The following MAP3K12 variants were observed in gnomAD, a reference collection of about 807,000 sequenced individuals.
The protein encoded by MAP3K12 is mitogen-activated protein kinase kinase kinase 12.
MAP3K12 carries 14 observed loss-of-function variants against 87.5 expected under a neutral mutation model. The observed-to-expected ratio is 0.16, with a 90% CI of 0.11 to 0.25. The LOEUF is 0.25. MAP3K12 is among the 10% of genes least tolerant of loss of function. The pLI, the probability that MAP3K12 is intolerant of heterozygous loss-of-function variation, is 1.00. For synonymous variants in MAP3K12, 469 were observed against 452.5 expected, an observed-to-expected ratio of 1.04 and a Z score of -0.46; for missense variants, 802 against 1,140.4, an observed-to-expected ratio of 0.70 and a Z score of 4.27.
chr12:53,501,297 C>G (rs898222132), upstream of MAP3K12: 1 of 1,199,510 alleles, frequency 8.3e-7, no homozygotes, highest in African/African-American at 1.5e-5. Context: ...TGCCCCGCGG[C>G]GGGCCCTACC....
At position 53,480,702 on chromosome 12, in the gene MAP3K12, TGA is replaced by T. The variant is rs1942993649; in HGVS notation, c.*478_*479del. 1 of 152,304 alleles carries T rather than the reference TGA, an allele frequency of 6.6e-6. No homozygotes were observed. Among genetic ancestry groups the T allele is most frequent in the African/African-American group, 2.4e-5 (1 of 41,306 alleles). 9.4% of individuals were successfully genotyped at this position (152,304 alleles called of 1,614,324 possible). A position where few individuals can be genotyped will look rare whatever the true frequency, so the allele number is the denominator to read the frequency against. ...GAAGATAAATGGTGGGACAAAAAAA[TGA>T]GTTACATTGCCACCTGAGAAACCTC... On this transcript the variant is annotated 3_prime_UTR_variant, in exon 14 of 14. Transcript: ENST00000547488.
chr12:53,483,285 A>G (rs1032772571), intron 10 of MAP3K12, 64 bp downstream of exon 10: 72 of 1,588,892 alleles, frequency 4.5e-5, no homozygotes, highest in Non-Finnish European at 5.7e-5. Flanking sequence ...TCTCCCTGCT[A>G]ATATACCTGT....
intron 1 of MAP3K12, among the ~76,000 whole-genome samples, chr12:53,489,538 C>A (rs1317842027): frequency 6.6e-6 from 1 of 152,230 alleles, no homozygotes; most frequent in Non-Finnish European, 1.5e-5. Context: ...TTGTCAGTTA[C>A]CAGATCCTGA....
chr12:53,479,939 GT>G lies in MAP3K12; in HGVS notation c.*1242del, dbSNP rs1942947258. The G allele has an allele frequency of 6.6e-6, 1 of 152,080 alleles. No homozygotes were observed. The highest frequency in any genetic ancestry group is 1.5e-5 in the Non-Finnish European group (1 of 68,068). The allele number at this position is 152,080 out of a possible 1,614,324, so 9.4% of individuals were successfully genotyped here. The stretch of plus-strand genomic sequence containing the variant: ...TGGAAGCCTTTATTCCGGTTAAGAT[GT>G]TTTCTTCTATTTTACCACTTCCATC... On this transcript the variant is annotated 3_prime_UTR_variant, in exon 14 of 14. Coordinates refer to ENST00000547488, the MANE Select transcript of MAP3K12 (RefSeq NM_001193511.2).
intron 1 of MAP3K12, among the ~76,000 whole-genome samples, chr12:53,497,759 G>A (rs992199504): frequency 1.3e-5 from 2 of 152,208 alleles, no homozygotes; most frequent in African/African-American, 2.4e-5. Flanking sequence ...GGACCTGAAT[G>A]TAGGGGTGAT....
chr12:53,495,339 CAAAAAA>C (rs10647631), intron 1 of MAP3K12, among the ~76,000 whole-genome samples: 3 of 19,378 alleles, frequency 1.5e-4, no homozygotes, highest in Admixed American at 9.8e-4. Flanking sequence ...ACTCTGTCTC[CAAAAAA>C]AAAAAAAAAA....
Position 53,482,686 on chromosome 12 carries a change from TCAC to T in MAP3K12, c.2114_2116del (p.Gly705del), listed in dbSNP as rs1215134542. 2 of 1,613,848 alleles carry T rather than the reference TCAC, an allele frequency of 1.2e-6. No homozygotes were observed. The highest frequency in any genetic ancestry group is 2.2e-5 in the South Asian group (2 of 91,076). On this transcript the variant is annotated inframe_deletion, in exon 11 of 14. Coordinates refer to ENST00000547488, the MANE Select transcript of MAP3K12 (RefSeq NM_001193511.2). ...TCCAGTTCCCAGAAGCCCCACACCT[TCAC>T]CAGGCCCTACTGGAGGAGGTGGTTC...
At position 53,490,889 on chromosome 12, in the gene MAP3K12, C is replaced by T. The variant is rs914846024; in HGVS notation, c.-37-3461G>A. On this transcript the variant is annotated intron_variant, in intron 1 of 13. Coordinates refer to ENST00000547488, the MANE Select transcript of MAP3K12 (RefSeq NM_001193511.2). ...TTGCACCACTGAACTGCAGCCTGAG[C>T]GACAGAGCGAGACCTTGTCACAAAA... Among the ~76,000 whole-genome samples the T allele has an allele frequency of 5.3e-5, 8 of 152,050 alleles. No homozygotes were observed. The East Asian group carries it at 5.8e-4, about 11-fold the overall frequency.
chr12:53,485,953 G>A (rs41428050), intron 4 of MAP3K12, 103 bp downstream of exon 4: 11 of 1,075,120 alleles, frequency 1.0e-5, no homozygotes, highest in Non-Finnish European at 1.5e-5. Context: ...TTTCTGAGAT[G>A]GCCACATGGA....
At chr12:53,491,868 G>A (rs941831262) in intron 1 of MAP3K12, among the ~76,000 whole-genome samples, 17 of 151,696 alleles carry the variant, frequency 1.1e-4, no homozygotes, top group South Asian at 2.1e-4. Flanking sequence ...GAGCTCGGGA[G>A]TTTGAGACCA....
chr12:53,482,327 T>C lies in MAP3K12; in HGVS notation c.2281A>G (p.Ser761Gly). The change falls in exon 12 of 14, where the codon AGT becomes GGT. Residue 761 changes from serine to glycine, a missense_variant. By Grantham distance (56) the Ser-to-Gly change is moderately conservative. Transcript: ENST00000547488. Reference protein sequence around the residue: ...SSEEEEGEVDSEVELTSSQRW... With the variant: ...SSEEEEGEVDGEVELTSSQRW... Reference sequence around the variant, plus strand: ...TGGCTTGATGTCAGCTCTACTTCACTGTCTACCTCTCCTTCCTCCTCTTCC... The same window carrying C: ...TGGCTTGATGTCAGCTCTACTTCACCGTCTACCTCTCCTTCCTCCTCTTCC... 6.2e-7 allele frequency: 1 copy of C among 1,614,036 alleles called. No individual in the cohort carries two copies. The highest frequency in any genetic ancestry group is 8.5e-7 in the Non-Finnish European group (1 of 1,180,002).
At chr12:53,497,516 A>C (rs540337082) in intron 1 of MAP3K12, among the ~76,000 whole-genome samples, 1 of 152,270 alleles carries the variant, frequency 6.6e-6, no homozygotes, top group South Asian at 2.1e-4. Context: ...ATATGACCCC[A>C]GTCCTTCTGG....
rs1943069435 is a variant in MAP3K12, at chr12:53,482,039, C to T, written c.2482G>A (p.Gly828Ser). The change falls in exon 13 of 14, where the codon GGC (glycine) becomes AGC (serine). Residue 828 changes from glycine (G) to serine (S), a missense_variant. Transcript: ENST00000547488. ...DERSDDMCSQ[G>S]SEIPLDPPPS... ...GGTGGGTCCAGTGGGATTTCTGAGCCCTGGGAGCACATGTCATCAGACCGC... is the reference window on the plus strand; with the variant it reads ...GGTGGGTCCAGTGGGATTTCTGAGCTCTGGGAGCACATGTCATCAGACCGC... 1 of 1,614,022 alleles carries T rather than the reference C, an allele frequency of 6.2e-7. No homozygotes were observed. Among genetic ancestry groups the T allele is most frequent in the African/African-American group, 1.3e-5 (1 of 74,892 alleles).
chr12:53,487,538 C>T (rs774960757), intron 1 of MAP3K12, 110 bp from the exon 2 acceptor site: 15 of 1,071,672 alleles, frequency 1.4e-5, no homozygotes, highest in African/African-American at 3.2e-5. Flanking sequence ...AGTAGCCCCG[C>T]TGGAGGTAAC....
intron 1 of MAP3K12, among the ~76,000 whole-genome samples, chr12:53,495,685 C>T (rs1023478298): frequency 1.3e-4 from 20 of 152,116 alleles, no homozygotes; most frequent in Non-Finnish European, 2.9e-4. Flanking sequence ...CCACTGTGCC[C>T]TGCAGCTTGT....
chr12:53,492,178 TC>T (rs1943430919), intron 1 of MAP3K12, among the ~76,000 whole-genome samples: 1 of 152,166 alleles, frequency 6.6e-6, no homozygotes, highest in African/African-American at 2.4e-5. Context: ...ATCCTGGACG[TC>T]CTTCTTTCCT....
At chr12:53,501,260 G>A (rs1366310379), upstream of MAP3K12, 6 of 774,958 alleles carry the variant, frequency 7.7e-6, no homozygotes, top group Non-Finnish European at 1.3e-5. Flanking sequence ...ACGAAGTAGG[G>A]TGGGCGGGGG....
At chr12:53,496,794 C>T (rs1177434690) in intron 1 of MAP3K12, among the ~76,000 whole-genome samples, 1 of 152,312 alleles carries the variant, frequency 6.6e-6, no homozygotes, top group South Asian at 2.1e-4. Flanking sequence ...ATGGACTGCT[C>T]ATGCATTCCT....
rs561611201 is a variant in MAP3K12, at chr12:53,482,390, G to A, written c.2239-21C>T. Reference sequence around the variant, plus strand: ...CGTTTCTGCAGGAGAGATGGGGTGGGGGGGGTCTGATTAGAAGTGGAAAGA... The same window carrying A: ...CGTTTCTGCAGGAGAGATGGGGTGGAGGGGGTCTGATTAGAAGTGGAAAGA... On this transcript the variant is annotated intron_variant, in intron 11 of 13. Transcript: ENST00000547488. 23 of 1,613,150 alleles carry A rather than the reference G, an allele frequency of 1.4e-5. No individual in the cohort carries two copies. In the South Asian group the frequency reaches 2.4e-4, roughly 17 times the overall value.
Sources: allele counts gnomAD v4.1 joint callset (sites outside exome capture counted in the v4.1 genomes callset), GRCh38; gene constraint gnomAD v4.1.1; transcripts MANE v1.5; gene names NCBI Gene and HGNC (gene_info 2026-07-23, HGNC 2026-07-21).